The following DIAPH3 variants were observed in gnomAD, a reference collection of about 807,000 sequenced individuals.
The protein encoded by DIAPH3 is diaphanous related formin 3.
DIAPH3 carries 117 observed loss-of-function variants against 144.3 expected under a neutral mutation model. The ratio of observed to expected loss-of-function variants is 0.81; its 90% CI spans 0.70 to 0.95. The LOEUF is 0.95. DIAPH3 is among the 40% of genes least tolerant of loss of function. The pLI, the probability that DIAPH3 is intolerant of heterozygous loss-of-function variation, is 0.00. For missense variants in DIAPH3, 1,421 were observed against 1,412.7 expected (o/e 1.01, Z -0.09); for synonymous variants, 519 against 488.9 (o/e 1.06, Z -0.81).
At chr13:59,804,105 T>A (rs768759023) in intron 25 of DIAPH3, among the ~76,000 whole-genome samples, 1 of 152,176 alleles carries the variant, frequency 6.6e-6, no homozygotes, top group African/African-American at 2.4e-5. Context: ...CTCAGAAAAG[T>A]TGACCTCTGG....
chr13:59,749,209 CA>C (rs71197276), intron 27 of DIAPH3, among the ~76,000 whole-genome samples: 193 of 25,092 alleles, frequency 7.7e-3, no homozygotes, highest in African/African-American at 0.017. Flanking sequence ...GACTCTGTCT[CA>C]AAAAAAAAAA....
chr13:60,049,499 C>T (rs987737127), intron 4 of DIAPH3, among the ~76,000 whole-genome samples: 2 of 152,202 alleles, frequency 1.3e-5, no homozygotes, highest in African/African-American at 2.4e-5. Flanking sequence ...ACCCTCACCA[C>T]CACTACTACA....
chr13:59,811,820 A>T (rs541427591), intron 24 of DIAPH3, among the ~76,000 whole-genome samples: 1 of 151,700 alleles, frequency 6.6e-6, no homozygotes, highest in African/African-American at 2.4e-5. Flanking sequence ...ATAACATGCT[A>T]ATCATAAGAA....
intron 27 of DIAPH3, among the ~76,000 whole-genome samples, chr13:59,673,614 A>G (rs2032493235): frequency 6.6e-6 from 1 of 152,230 alleles, no homozygotes; most frequent in African/African-American, 2.4e-5. Context: ...TAACCAAGCC[A>G]GAAAGACCAA....
intron 17 of DIAPH3, among the ~76,000 whole-genome samples, chr13:59,937,248 A>C (rs1488019041): frequency 6.6e-6 from 1 of 152,186 alleles, no homozygotes; most frequent in Non-Finnish European, 1.5e-5. Flanking sequence ...GTAGAAATAT[A>C]TCTCTGCTAG....
At chr13:59,888,686 T>C (rs2045600899) in intron 20 of DIAPH3, among the ~76,000 whole-genome samples, 1 of 152,146 alleles carries the variant, frequency 6.6e-6, no homozygotes. Context: ...TACTCTTCAT[T>C]ACTTTTTGTA....
chr13:60,076,141 G>C (rs1349056561), intron 4 of DIAPH3, among the ~76,000 whole-genome samples: 3 of 152,162 alleles, frequency 2.0e-5, no homozygotes, highest in Non-Finnish European at 4.4e-5. Context: ...CACCAAAGCA[G>C]CTCGAATAGC....
intron 24 of DIAPH3, among the ~76,000 whole-genome samples, chr13:59,814,690 T>G (rs1566352513): frequency 6.6e-6 from 1 of 152,218 alleles, no homozygotes; most frequent in Non-Finnish European, 1.5e-5. Context: ...TATAAGACAT[T>G]GATTTTTTAA....
At position 60,156,145 on chromosome 13, in the gene DIAPH3, C is replaced by G. The variant is rs900604895; in HGVS notation, c.180+7442G>C. Reference sequence around the variant, plus strand: ...GCTCTAGGGGAGTAGCCTTCCTTGACTCTTCCAGCTTCAGATGGCTGCATT... The same window carrying G: ...GCTCTAGGGGAGTAGCCTTCCTTGAGTCTTCCAGCTTCAGATGGCTGCATT... On this transcript the variant is annotated intron_variant, in intron 1 of 27. Coordinates refer to ENST00000400324, the MANE Select transcript of DIAPH3 (RefSeq NM_001042517.2). Among the ~76,000 whole-genome samples the G allele has an allele frequency of 5.9e-5, 9 of 152,224 alleles. No homozygotes were observed. In the East Asian group the frequency reaches 1.7e-3, roughly 29 times the overall value.
intron 1 of DIAPH3, among the ~76,000 whole-genome samples, chr13:60,138,616 C>T (rs1471500204): frequency 2.0e-5 from 3 of 152,174 alleles, no homozygotes; most frequent in African/African-American, 7.2e-5. Context: ...TATTTAAATG[C>T]TTAGTCTAAG....
At chr13:59,780,298 T>C (rs995390216) in intron 25 of DIAPH3, among the ~76,000 whole-genome samples, 2 of 152,108 alleles carry the variant, frequency 1.3e-5, no homozygotes, top group Non-Finnish European at 2.9e-5. Context: ...TTAGGGACTG[T>C]AGAGGGAATA....
intron 25 of DIAPH3, among the ~76,000 whole-genome samples, chr13:59,789,438 A>G (rs2039216088): frequency 6.6e-6 from 1 of 152,244 alleles, no homozygotes; most frequent in Admixed American, 6.5e-5. Context: ...TTATTAGTGA[A>G]GAATTGACTT....
chr13:59,815,229 A>C (rs540369794), intron 24 of DIAPH3, among the ~76,000 whole-genome samples: 15 of 152,282 alleles, frequency 9.9e-5, no homozygotes, highest in Admixed American at 2.0e-4. Flanking sequence ...TGGCTGTTTT[A>C]GTCCATTTGA....
intron 1 of DIAPH3, among the ~76,000 whole-genome samples, chr13:60,154,762 G>A (rs1235894263): frequency 6.6e-6 from 1 of 152,108 alleles, no homozygotes; most frequent in Non-Finnish European, 1.5e-5. Flanking sequence ...TGAAGTAAAA[G>A]GTTATGCTTA....
chr13:60,121,500 A>C (rs2058843165), intron 2 of DIAPH3, among the ~76,000 whole-genome samples: 1 of 152,202 alleles, frequency 6.6e-6, no homozygotes, highest in Non-Finnish European at 1.5e-5. Context: ...GAGACCACCA[A>C]CAAGGAGGAA....
intron 27 of DIAPH3, among the ~76,000 whole-genome samples, chr13:59,773,483 C>A (rs1461973219): frequency 6.6e-6 from 1 of 152,052 alleles, no homozygotes; most frequent in East Asian, 1.9e-4. Flanking sequence ...AAAACAGCAC[C>A]CACAATCAAC....
At chr13:59,921,415 A>T (rs1169687789) in intron 18 of DIAPH3, among the ~76,000 whole-genome samples, 1 of 151,760 alleles carries the variant, frequency 6.6e-6, no homozygotes, top group Non-Finnish European at 1.5e-5. Context: ...CACAAAAATA[A>T]AAAAAGAATT....
intron 27 of DIAPH3, among the ~76,000 whole-genome samples, chr13:59,751,180 T>C (rs965210080): frequency 6.6e-6 from 1 of 152,262 alleles, no homozygotes; most frequent in Non-Finnish European, 1.5e-5. Flanking sequence ...ATTTCATTGC[T>C]ATGGCAACGG....
intron 25 of DIAPH3, among the ~76,000 whole-genome samples, chr13:59,788,099 T>C (rs529964944): frequency 6.6e-6 from 1 of 152,294 alleles, no homozygotes; most frequent in Admixed American, 6.5e-5. Flanking sequence ...CAAAAATAAA[T>C]AAACCATGCT....
Sources: allele counts gnomAD v4.1 joint callset (sites outside exome capture counted in the v4.1 genomes callset), GRCh38; gene constraint gnomAD v4.1.1; transcripts MANE v1.5; gene names NCBI Gene and HGNC (gene_info 2026-07-23, HGNC 2026-07-21).